IL1RAPL1: variants seen among roughly 807,000 people sequenced by gnomAD.
The protein encoded by IL1RAPL1 is interleukin-1 receptor accessory protein-like 1.
In IL1RAPL1, 3 loss-of-function variants were observed where a neutral mutation model predicts 48.4. The observed-to-expected ratio is 0.06, with a 90% CI of 0.03 to 0.16. The LOEUF (loss-of-function observed/expected upper bound fraction) is 0.16. IL1RAPL1 is among the 10% of genes least tolerant of loss of function. The pLI is 1.00. For missense variants in IL1RAPL1, 349 were observed against 530.6 expected, an observed-to-expected ratio of 0.66 and a Z score of 3.36; for synonymous variants, 185 against 187.7, an observed-to-expected ratio of 0.99 and a Z score of 0.12.
intron 5 of IL1RAPL1, among the ~76,000 whole-genome samples, chrX:29,526,197 C>T (rs912815976): frequency 2.7e-5 from 3 of 111,721 alleles, no homozygotes; most frequent in Non-Finnish European, 5.6e-5. Flanking sequence ...AGGATGTCTT[C>T]ATCATTTCTT....
At chrX:28,921,254 A>C (rs1164593330) in intron 2 of IL1RAPL1, among the ~76,000 whole-genome samples, 1 of 111,855 alleles carries the variant, frequency 8.9e-6, no homozygotes. Context: ...TTACCACTTA[A>C]TTCATAGTTT....
chrX:29,686,912 G>A lies in IL1RAPL1; in HGVS notation c.778+18408G>A, dbSNP rs760471307. The stretch of plus-strand genomic sequence containing the variant: ...AAGCTGAGCAAGGTCTGCAAATTTT[G>A]AAAATTCAGAGAAATACACATCAAA... On this transcript the variant is annotated intron_variant, in intron 6 of 10. Coordinates refer to ENST00000378993, the MANE Select transcript of IL1RAPL1 (RefSeq NM_014271.4). 6.4e-5 allele frequency among the ~76,000 whole-genome samples: 7 copies of A among 109,019 alleles called. No individual in the cohort carries two copies. The East Asian group carries it at 1.4e-3, about 22-fold the overall frequency. The allele number at this position is 109,019 out of a possible 115,157, so 94.7% of individuals were successfully genotyped here. A position where few individuals can be genotyped will look rare whatever the true frequency, so the allele number is the denominator to read the frequency against.
chrX:29,491,957 A>T (rs190366091), intron 5 of IL1RAPL1, among the ~76,000 whole-genome samples: 38 of 111,555 alleles, frequency 3.4e-4, no homozygotes, highest in African/African-American at 1.1e-3. Context: ...CACATACCAA[A>T]CCCCTACAAT....
intron 2 of IL1RAPL1, among the ~76,000 whole-genome samples, chrX:28,886,662 A>G (rs1161498465): frequency 9.0e-6 from 1 of 111,508 alleles, no homozygotes; most frequent in Non-Finnish European, 1.9e-5. Context: ...TTACCAATGA[A>G]GAATAACATG....
At chrX:28,620,539 G>C (rs1442437358) in intron 1 of IL1RAPL1, among the ~76,000 whole-genome samples, 1 of 111,482 alleles carries the variant, frequency 9.0e-6, no homozygotes, top group Admixed American at 9.6e-5. Context: ...TGAGTCTCAA[G>C]CCCATTGGCA....
At chrX:28,959,174 G>A (rs1286006450) in intron 2 of IL1RAPL1, among the ~76,000 whole-genome samples, 2 of 92,895 alleles carry the variant, frequency 2.2e-5, no homozygotes, top group Non-Finnish European at 4.2e-5. Flanking sequence ...ACTTTATTGT[G>A]TATCTAATTT....
At chrX:29,669,376 T>C (rs1025531312) in intron 6 of IL1RAPL1, among the ~76,000 whole-genome samples, 1 of 111,632 alleles carries the variant, frequency 9.0e-6, no homozygotes, top group Non-Finnish European at 1.9e-5. Flanking sequence ...CTTAGATTAA[T>C]CATACAAGAG....
At chrX:29,183,330 T>C (rs1305749976) in intron 2 of IL1RAPL1, among the ~76,000 whole-genome samples, 1 of 111,907 alleles carries the variant, frequency 8.9e-6, no homozygotes, top group Non-Finnish European at 1.9e-5. Flanking sequence ...CTTTCTAGAA[T>C]TTTCCCATTC....
rs544264820 is a variant in IL1RAPL1 at position 29,672,087 on chromosome X, G to A, written c.778+3583G>A. 8.1e-5 allele frequency among the ~76,000 whole-genome samples: 9 copies of A among 111,585 alleles called. No homozygotes were observed. In the South Asian group the frequency reaches 1.1e-3, roughly 14 times the overall value. ...CTCACAAAATATCCTTTTAATGGCC[G>A]ATGTGAATGTCATATAATTTCATAT... On this transcript the variant is annotated intron_variant, in intron 6 of 10. Coordinates refer to ENST00000378993, the MANE Select transcript of IL1RAPL1 (RefSeq NM_014271.4).
chrX:29,807,216 G>A (rs189273393), intron 6 of IL1RAPL1, among the ~76,000 whole-genome samples: 1,228 of 109,173 alleles, frequency 0.011, 13 homozygotes, highest in African/African-American at 0.038. Context: ...TCAATTTCAC[G>A]TAATCTAGAG....
chrX:29,283,356 C>T (rs1932232305), intron 3 of IL1RAPL1, 139 bp downstream of exon 3: 1 of 583,404 alleles, frequency 1.7e-6, no homozygotes, highest in African/African-American at 2.3e-5. Flanking sequence ...AATTTAGAAT[C>T]AAAATCATAA....
Position 29,901,693 on chromosome X carries a change from A to G in IL1RAPL1, c.779-15771A>G, listed in dbSNP as rs1024874717. ...TGTATGCTTTCTTTATGCATTTTTA[A>G]TGGCTGATTTAAATATACTTGGAGG... is the stretch of plus-strand genomic sequence containing the variant. On this transcript the variant is annotated intron_variant, in intron 6 of 10. Transcript: ENST00000378993. 7.1e-5 allele frequency among the ~76,000 whole-genome samples: 8 copies of G among 112,013 alleles called. No homozygotes were observed. The Admixed American group carries it at 7.6e-4, about 11-fold the overall frequency.
At chrX:28,776,277 C>T (rs1421385876) in intron 1 of IL1RAPL1, among the ~76,000 whole-genome samples, 5 of 111,630 alleles carry the variant, frequency 4.5e-5, no homozygotes, top group Non-Finnish European at 9.4e-5. Flanking sequence ...GAAGAACAGT[C>T]AATCTTAGAA....
chrX:29,158,657 G>C lies in IL1RAPL1; in HGVS notation c.83-124281G>C, dbSNP rs750582029. ...CTCCCAAAGTGCTGGGATTACAGGC[G>C]TGAGCCACCACTGCACCTGGGCTGG... On this transcript the variant is annotated intron_variant, in intron 2 of 10. Coordinates refer to ENST00000378993, the MANE Select transcript of IL1RAPL1 (RefSeq NM_014271.4). Among the ~76,000 whole-genome samples, 3 of 111,232 alleles carry C rather than the reference G, an allele frequency of 2.7e-5. No homozygotes were observed. In the East Asian group the frequency reaches 8.5e-4, roughly 32 times the overall value.
At chrX:29,208,534 A>C (rs1930708251) in intron 2 of IL1RAPL1, among the ~76,000 whole-genome samples, 1 of 108,538 alleles carries the variant, frequency 9.2e-6, no homozygotes, top group Admixed American at 1.0e-4. Flanking sequence ...ACACGGTGAA[A>C]CTCCATCTCT....
chrX:29,394,192 A>G (rs1003307416), intron 3 of IL1RAPL1, among the ~76,000 whole-genome samples: 19 of 110,226 alleles, frequency 1.7e-4, no homozygotes, highest in African/African-American at 6.3e-4. Flanking sequence ...CCCAATGTGT[A>G]TTGCTTTCAT....
intron 2 of IL1RAPL1, among the ~76,000 whole-genome samples, chrX:29,097,236 A>C (rs112400028): frequency 8.9e-6 from 1 of 112,244 alleles, no homozygotes; most frequent in Non-Finnish European, 1.9e-5. Flanking sequence ...CAGAAGAGGA[A>C]TAGAAAATCT....
At chrX:29,064,339 A>T (rs765773811) in intron 2 of IL1RAPL1, among the ~76,000 whole-genome samples, 66 of 111,486 alleles carry the variant, frequency 5.9e-4, no homozygotes, top group Non-Finnish European at 1.1e-3. Context: ...TGGGAATATG[A>T]TTATGCTGAA....
chrX:29,945,440 CT>C (rs1351161395), intron 9 of IL1RAPL1, among the ~76,000 whole-genome samples: 1 of 110,030 alleles, frequency 9.1e-6, no homozygotes, highest in Non-Finnish European at 1.9e-5. Context: ...TCATATTTAC[CT>C]TCCCTGAAGG....
Sources: allele counts gnomAD v4.1 joint callset (sites outside exome capture counted in the v4.1 genomes callset), GRCh38; gene constraint gnomAD v4.1.1; transcripts MANE v1.5; gene names NCBI Gene and HGNC (gene_info 2026-07-23, HGNC 2026-07-21).